Variants in B3GALT1 observed in about 807,000 individuals in gnomAD.
B3GALT1 encodes the protein beta-1,3-galactosyltransferase 1, also known as UDP-Gal:betaGlcNAc beta 1,3-galactosyltransferase, polypeptide 1.
In B3GALT1, 10 loss-of-function variants were observed where a neutral mutation model predicts 23.2. That is an observed-to-expected ratio of 0.43 (90% confidence interval 0.27 to 0.73). The LOEUF (loss-of-function observed/expected upper bound fraction) is 0.73. Among genes scored for constraint, B3GALT1 ranks in the 30% least tolerant of loss-of-function variants. The pLI is 0.21. For synonymous variants in B3GALT1, 156 were observed against 141.5 expected, an observed-to-expected ratio of 1.10 and a Z score of -0.73; for missense variants, 299 against 405.4, an observed-to-expected ratio of 0.74 and a Z score of 2.25.
intron 1 of B3GALT1, among the ~76,000 whole-genome samples, chr2:167,470,769 T>C (rs1420026870): frequency 6.6e-6 from 1 of 152,214 alleles, no homozygotes; most frequent in Admixed American, 6.5e-5. Context: ...TTGAGAGATA[T>C]AGCAAACCAG....
chr2:167,700,653 C>T (rs1286616612), intron 3 of B3GALT1, among the ~76,000 whole-genome samples: 1 of 152,062 alleles, frequency 6.6e-6, no homozygotes, highest in African/African-American at 2.4e-5. Context: ...TTCAGAAAAG[C>T]ATATTGGATT....
At chr2:167,427,518 T>G (rs147915978) in intron 1 of B3GALT1, among the ~76,000 whole-genome samples, 1 of 152,218 alleles carries the variant, frequency 6.6e-6, no homozygotes, top group Non-Finnish European at 1.5e-5. Flanking sequence ...TTAGCCACTT[T>G]GGATACTTTC....
At chr2:167,722,984 G>A (rs1275119559) in intron 3 of B3GALT1, among the ~76,000 whole-genome samples, 2 of 152,126 alleles carry the variant, frequency 1.3e-5, no homozygotes, top group South Asian at 2.1e-4. Context: ...ATTCCTTACA[G>A]GTAAAAATTC....
chr2:167,652,798 T>C (rs73015489), intron 3 of B3GALT1, among the ~76,000 whole-genome samples: 8,917 of 152,252 alleles, frequency 0.059, 646 homozygotes, highest in African/African-American at 0.17. Flanking sequence ...TTTTTGCACA[T>C]AGTAGGTATG....
chr2:167,764,024 AT>A (rs1227886472), intron 3 of B3GALT1, among the ~76,000 whole-genome samples: 1 of 152,216 alleles, frequency 6.6e-6, no homozygotes, highest in African/African-American at 2.4e-5. Context: ...TAGGTCTCAA[AT>A]TTTTAAGTGC....
intron 3 of B3GALT1, among the ~76,000 whole-genome samples, chr2:167,705,168 G>A (rs1321511347): frequency 6.6e-6 from 1 of 152,110 alleles, no homozygotes; most frequent in African/African-American, 2.4e-5. Context: ...AAACTTCATT[G>A]TACTCAGCCT....
chr2:167,508,399 C>T (rs1220108070), intron 2 of B3GALT1, among the ~76,000 whole-genome samples: 3 of 151,714 alleles, frequency 2.0e-5, no homozygotes, highest in African/African-American at 7.3e-5. Context: ...GCTGGGACTA[C>T]AGGCACCCGC....
chr2:167,388,520 G>A (rs942886616), intron 1 of B3GALT1, among the ~76,000 whole-genome samples: 1 of 152,074 alleles, frequency 6.6e-6, no homozygotes, highest in African/African-American at 2.4e-5. Flanking sequence ...AGCTTGAAGG[G>A]ACTACCTGAG....
intron 2 of B3GALT1, among the ~76,000 whole-genome samples, chr2:167,572,876 C>T (rs1016046854): frequency 5.9e-5 from 9 of 151,394 alleles, no homozygotes; most frequent in African/African-American, 1.2e-4. Flanking sequence ...CTTAGGTTAG[C>T]GGGAAAAAAA....
intron 1 of B3GALT1, among the ~76,000 whole-genome samples, chr2:167,482,520 A>G (rs1472132280): frequency 6.6e-6 from 1 of 152,220 alleles, no homozygotes; most frequent in Non-Finnish European, 1.5e-5. Context: ...TCAAACTTCT[A>G]CAATATATAC....
At chr2:167,762,177 C>T (rs1391954466) in intron 3 of B3GALT1, among the ~76,000 whole-genome samples, 1 of 152,076 alleles carries the variant, frequency 6.6e-6, no homozygotes, top group East Asian at 1.9e-4. Context: ...TTTGTTTTGG[C>T]TTCATAGTGG....
intron 1 of B3GALT1, among the ~76,000 whole-genome samples, chr2:167,306,079 ACTT>A (rs1696547811): frequency 6.6e-6 from 1 of 152,026 alleles, no homozygotes; most frequent in African/African-American, 2.4e-5. Flanking sequence ...CATTAATACT[ACTT>A]CTAGGAATCT....
At chr2:167,411,333 C>A (rs370840477) in intron 1 of B3GALT1, among the ~76,000 whole-genome samples, 1 of 138,974 alleles carries the variant, frequency 7.2e-6, no homozygotes, top group African/African-American at 2.7e-5. Flanking sequence ...CATTAATAAC[C>A]AGAATATGTA....
At chr2:167,808,551 T>A (rs1688810821) in intron 3 of B3GALT1, among the ~76,000 whole-genome samples, 1 of 151,898 alleles carries the variant, frequency 6.6e-6, no homozygotes, top group African/African-American at 2.4e-5. Context: ...GAAGCTTAAT[T>A]TGTCTGGATA....
intron 3 of B3GALT1, among the ~76,000 whole-genome samples, chr2:167,665,554 G>A (rs888785167): frequency 1.1e-4 from 17 of 151,542 alleles, no homozygotes; most frequent in Admixed American, 2.6e-4. Context: ...GTTCCTCCTT[G>A]TACCTCTGGT....
intron 1 of B3GALT1, among the ~76,000 whole-genome samples, chr2:167,410,883 G>A (rs2689853): frequency 0.94 from 142,517 of 152,204 alleles, 67,144 homozygotes; most frequent in Non-Finnish European, 0.99. Context: ...TTGACCTTGT[G>A]TAAGTGTCAC....
At chr2:167,702,356 T>C (rs1686894157) in intron 3 of B3GALT1, among the ~76,000 whole-genome samples, 1 of 152,246 alleles carries the variant, frequency 6.6e-6, no homozygotes, top group South Asian at 2.1e-4. Context: ...CTGAGAAATG[T>C]TCTCGATGAA....
intron 3 of B3GALT1, among the ~76,000 whole-genome samples, chr2:167,716,338 A>G (rs547716490): frequency 3.3e-5 from 5 of 152,042 alleles, no homozygotes; most frequent in African/African-American, 1.2e-4. Flanking sequence ...TAGTTCTGGC[A>G]GTTTTCACAT....
At chr2:167,404,723 C>T (rs1357879176) in intron 1 of B3GALT1, among the ~76,000 whole-genome samples, 3 of 152,172 alleles carry the variant, frequency 2.0e-5, no homozygotes, top group South Asian at 2.1e-4. Context: ...GTTTTACCTT[C>T]GCCTAGATTT....
Sources: gnomAD v4.1 joint callset for allele counts (sites outside exome capture counted in the v4.1 genomes callset) on GRCh38, gnomAD v4.1.1 for gene constraint, MANE v1.5 for transcripts, NCBI Gene and HGNC (gene_info 2026-07-23, HGNC 2026-07-21) for gene names.